Variants in MSH4 observed in about 807,000 individuals in gnomAD.
MSH4 encodes mutS protein homolog 4.
MSH4 carries 106 observed loss-of-function variants against 113.7 expected under a neutral mutation model. That is an observed-to-expected ratio of 0.93 (90% confidence interval 0.80 to 1.10). The LOEUF (loss-of-function observed/expected upper bound fraction) is 1.10, where lower values mean the gene tolerates loss of function less well. Among genes scored for constraint, MSH4 ranks in the 50% least tolerant of loss-of-function variants. The pLI, the probability that MSH4 is intolerant of heterozygous loss-of-function variation, is 0.00. For synonymous variants in MSH4, 368 were observed against 380.2 expected, an observed-to-expected ratio of 0.97 and a Z score of 0.37; for missense variants, 1,061 against 1,093.7, an observed-to-expected ratio of 0.97 and a Z score of 0.42.
intron 7 of MSH4, among the ~76,000 whole-genome samples, chr1:75,835,013 A>T (rs1042185413): frequency 3.9e-5 from 6 of 152,200 alleles, no homozygotes; most frequent in African/African-American, 1.4e-4. Flanking sequence ...GTGCAGTTTT[A>T]TTCTTAAATC....
intron 9 of MSH4, among the ~76,000 whole-genome samples, chr1:75,875,473 A>C (rs1338885504): frequency 6.6e-6 from 1 of 152,236 alleles, no homozygotes; most frequent in Non-Finnish European, 1.5e-5. Context: ...TGTCAATTAT[A>C]AAATCAAAGA....
At chr1:75,806,235 GTTTTTTTTTTT>G (rs775023850) in intron 2 of MSH4, among the ~76,000 whole-genome samples, 2 of 60,778 alleles carry the variant, frequency 3.3e-5, no homozygotes, top group East Asian at 5.4e-4. Context: ...TTTCTGTTTG[GTTTTTTTTTTT>G]TTTTTTTTTT....
At chr1:75,841,462 T>G (rs1650958468) in intron 7 of MSH4, among the ~76,000 whole-genome samples, 1 of 152,020 alleles carries the variant, frequency 6.6e-6, no homozygotes, top group Non-Finnish European at 1.5e-5. Flanking sequence ...CCTCCCAAAG[T>G]GCTGGGATTG....
At chr1:75,863,209 G>A (rs12732407) in intron 8 of MSH4, among the ~76,000 whole-genome samples, 12,785 of 151,876 alleles carry the variant, frequency 0.084, 792 homozygotes, top group African/African-American at 0.17. Context: ...TATGATAAGT[G>A]CTAAAATATA....
intron 19 of MSH4, among the ~76,000 whole-genome samples, chr1:75,908,806 G>C (rs1652725787): frequency 6.6e-6 from 1 of 152,130 alleles, no homozygotes; most frequent in Admixed American, 6.6e-5. Flanking sequence ...TTCAGCACTA[G>C]ATGGCACCTT....
intron 8 of MSH4, among the ~76,000 whole-genome samples, chr1:75,864,705 A>T (rs1651525592): frequency 6.6e-6 from 1 of 152,154 alleles, no homozygotes; most frequent in African/African-American, 2.4e-5. Flanking sequence ...TGATTTGTAT[A>T]GCTTCTTTTC....
At chr1:75,849,200 G>A (rs1651137773) in intron 8 of MSH4, among the ~76,000 whole-genome samples, 1 of 152,130 alleles carries the variant, frequency 6.6e-6, no homozygotes, top group Admixed American at 6.5e-5. Flanking sequence ...CCAAAGTACT[G>A]GGATTGCAGG....
chr1:75,912,498 C>A (rs527584998), intron 19 of MSH4, among the ~76,000 whole-genome samples, 198 bp from the exon 20 acceptor site: 2 of 152,082 alleles, frequency 1.3e-5, no homozygotes, highest in South Asian at 4.1e-4. Flanking sequence ...AAATTATGTT[C>A]TTTCAAATAC....
rs945246591 is a variant in MSH4, at chr1:75,839,841, A to T, written c.1163-8368A>T. On this transcript the variant is annotated intron_variant, in intron 7 of 19. Transcript: ENST00000263187. ...TTACAAGAAAAAAACAAACAACCCC[A>T]TCAAAAAGTGGGTGAAGGACATGAA... Among the ~76,000 whole-genome samples the T allele has an allele frequency of 6.0e-4, 88 of 147,736 alleles. 2 individuals are homozygous for T. Among genetic ancestry groups the T allele is most frequent in the African/African-American group, 2.1e-3 (83 of 40,186 alleles).
intron 4 of MSH4, 86 bp downstream of exon 4, chr1:75,810,893 AC>A: frequency 1.6e-6 from 1 of 624,282 alleles, no homozygotes; most frequent in Non-Finnish European, 2.5e-6. Flanking sequence ...TTTTTTTGAG[AC>A]AGAGTTTCAC....
Position 75,883,791 on chromosome 1 carries a change from A to G in MSH4, c.2077A>G (p.Ile693Val), listed in dbSNP as rs760112617. 1.9e-6 allele frequency: 3 copies of G among 1,612,860 alleles called. No individual in the cohort carries two copies. The highest frequency in any genetic ancestry group is 1.1e-5 in the South Asian group (1 of 90,852). ...MSGKSTYLKQ[I>V]ALCQIMAQIG... ...TGGAAAATCCACATATTTAAAACAG[A>G]TTGCTCTTTGTCAGATTATGGCCCA... Residue 693 changes from isoleucine to valine, a missense_variant, in exon 15 of 20, where the codon ATT becomes GTT. Coordinates refer to ENST00000263187, the MANE Select transcript of MSH4 (RefSeq NM_002440.4).
intron 8 of MSH4, among the ~76,000 whole-genome samples, chr1:75,854,096 G>A (rs995376375): frequency 1.4e-5 from 2 of 145,012 alleles, no homozygotes; most frequent in African/African-American, 2.5e-5. Flanking sequence ...AAAATCATAC[G>A]TTCATACCAA....
intron 7 of MSH4, among the ~76,000 whole-genome samples, chr1:75,842,457 T>C (rs1033043716): frequency 6.6e-6 from 1 of 150,950 alleles, no homozygotes; most frequent in South Asian, 2.1e-4. Flanking sequence ...TAGTAAAATA[T>C]AAAACAAGAA....
intron 1 of MSH4, among the ~76,000 whole-genome samples, chr1:75,801,242 CT>C (rs1220502076): frequency 1.1e-4 from 16 of 152,052 alleles, no homozygotes; most frequent in African/African-American, 3.9e-4. Context: ...CCACAAAAGC[CT>C]AAAATATTTG....
intron 4 of MSH4, among the ~76,000 whole-genome samples, chr1:75,811,731 G>C (rs1298719186): frequency 6.6e-6 from 1 of 152,174 alleles, no homozygotes; most frequent in Non-Finnish European, 1.5e-5. Flanking sequence ...AATTCCTTAG[G>C]AATGCAAATT....
chr1:75,886,594 A>G (rs1464466746), intron 15 of MSH4, among the ~76,000 whole-genome samples: 1 of 122,866 alleles, frequency 8.1e-6, no homozygotes, highest in Non-Finnish European at 1.6e-5. Flanking sequence ...TATATAATGT[A>G]TTATATATTA....
intron 19 of MSH4, among the ~76,000 whole-genome samples, chr1:75,903,327 G>A (rs1481999572): frequency 6.6e-6 from 1 of 151,840 alleles, no homozygotes; most frequent in Non-Finnish European, 1.5e-5. Flanking sequence ...TGTTGAAAAT[G>A]AGTTGGCTGT....
intron 17 of MSH4, among the ~76,000 whole-genome samples, chr1:75,893,399 T>C (rs1476583460): frequency 6.6e-6 from 1 of 152,112 alleles, no homozygotes; most frequent in Non-Finnish European, 1.5e-5. Context: ...AGGGCATTAG[T>C]TGGGAAGGAA....
chr1:75,801,782 G>T lies in MSH4; in HGVS notation c.245-1949G>T, dbSNP rs914575943. On this transcript the variant is annotated intron_variant, in intron 1 of 19. Transcript: ENST00000263187. ...GTTACTCAAGAGGCTGAAGCAGGAG[G>T]TTACTTGAGCCCATGAGCTTGAGGC... is the stretch of plus-strand genomic sequence containing the variant. Among the ~76,000 whole-genome samples the T allele has an allele frequency of 9.9e-5, 15 of 151,782 alleles. 1 individual carries two copies. The South Asian group carries it at 2.9e-3, about 30-fold the overall frequency.
Sources: allele counts gnomAD v4.1 joint callset (sites outside exome capture counted in the v4.1 genomes callset), GRCh38; gene constraint gnomAD v4.1.1; transcripts MANE v1.5; gene names NCBI Gene and HGNC (gene_info 2026-07-23, HGNC 2026-07-21).